PLA2R1: variants seen among roughly 807,000 people sequenced by gnomAD.
PLA2R1 encodes the protein secretory phospholipase A2 receptor.
In PLA2R1, 158 loss-of-function variants were observed where a neutral mutation model predicts 195.9. The ratio of observed to expected loss-of-function variants is 0.81; its 90% CI spans 0.71 to 0.92. The LOEUF is 0.92. PLA2R1 is among the 40% of genes least tolerant of loss of function. The pLI, the probability that PLA2R1 is intolerant of heterozygous loss-of-function variation, is 0.00. For synonymous variants in PLA2R1, 586 were observed against 598.2 expected, an observed-to-expected ratio of 0.98 and a Z score of 0.30; for missense variants, 1,626 against 1,764.6, an observed-to-expected ratio of 0.92 and a Z score of 1.41.
At chr2:160,032,848 G>T (rs1049452950) in intron 4 of PLA2R1, 111 bp downstream of exon 4, 2 of 934,898 alleles carry the variant, frequency 2.1e-6, no homozygotes, top group East Asian at 2.7e-5. Flanking sequence ...ATTATGGAAA[G>T]AAAAATATTT....
At chr2:159,955,025 G>C (rs1687992747) in intron 23 of PLA2R1, among the ~76,000 whole-genome samples, 174 bp downstream of exon 23, 1 of 152,154 alleles carries the variant, frequency 6.6e-6, no homozygotes, top group Non-Finnish European at 1.5e-5. Context: ...AAGGGCATAA[G>C]CCTAGGGTAG....
Position 159,951,320 on chromosome 2 carries a change from A to T in PLA2R1, c.3540+20T>A, listed in dbSNP as rs376563247. ...AAACTTAATTATTCAAGGATGTCTC[A>T]AGGGAGTTAGGATACCTACATCTGT... is the stretch of plus-strand genomic sequence containing the variant. On this transcript the variant is annotated intron_variant, in intron 24 of 29. Coordinates refer to ENST00000283243, the MANE Select transcript of PLA2R1 (RefSeq NM_007366.5). The T allele has an allele frequency of 1.8e-5, 24 of 1,349,082 alleles. No individual in the cohort carries two copies. Among genetic ancestry groups the T allele is most frequent in the Non-Finnish European group, 2.3e-5 (22 of 938,970 alleles). 83.6% of individuals were successfully genotyped at this position (1,349,082 alleles called of 1,614,324 possible).
At chr2:160,008,825 T>C (rs1003553327) in intron 10 of PLA2R1, among the ~76,000 whole-genome samples, 1 of 152,180 alleles carries the variant, frequency 6.6e-6, no homozygotes, top group African/African-American at 2.4e-5. Context: ...ATCCAGAATA[T>C]ATTAAAAATT....
chr2:160,052,002 T>C (rs1695240841), intron 1 of PLA2R1, among the ~76,000 whole-genome samples: 1 of 152,200 alleles, frequency 6.6e-6, no homozygotes, highest in South Asian at 2.1e-4. Context: ...TCTCAGAACT[T>C]TCTTCTCTTT....
chr2:160,005,959 A>G, intron 10 of PLA2R1, 138 bp from the exon 11 acceptor site: 1 of 657,172 alleles, frequency 1.5e-6, no homozygotes, highest in Non-Finnish European at 2.7e-6. Context: ...ACAGGAAAAC[A>G]CCCAAAGACC....
intron 27 of PLA2R1, chr2:159,946,255 C>T (rs868757663): frequency 1.0e-6 from 1 of 984,568 alleles, no homozygotes; most frequent in Non-Finnish European, 1.2e-6. Context: ...GGCTCACCCC[C>T]AACCTTGGTA....
rs1288902106 is a variant in PLA2R1, at chr2:159,946,354, A to G, written c.3967+447T>C. The G allele has an allele frequency of 1.0e-5, 10 of 985,010 alleles. No individual in the cohort carries two copies. In the East Asian group the frequency reaches 9.1e-4, roughly 89 times the overall value. 61.0% of individuals were successfully genotyped at this position (985,010 alleles called of 1,614,324 possible). A position where few individuals can be genotyped will look rare whatever the true frequency, so the allele number is the denominator to read the frequency against. On this transcript the variant is annotated intron_variant, in intron 27 of 29. Transcript: ENST00000283243. ...CCATCAATTACATAAAGAAAAGAATACCATGCTTCCATTTTATTACAAACT... is the reference window on the plus strand; with the variant it reads ...CCATCAATTACATAAAGAAAAGAATGCCATGCTTCCATTTTATTACAAACT...
chr2:159,949,193 A>AC (rs1687570954), intron 25 of PLA2R1, among the ~76,000 whole-genome samples: 1 of 152,056 alleles, frequency 6.6e-6, no homozygotes, highest in Admixed American at 6.6e-5. Flanking sequence ...CTTACGCCTA[A>AC]CCTGCATTCA....
chr2:159,941,737 T>A lies in PLA2R1; in HGVS notation c.*41A>T. 9.0e-7 allele frequency: 1 copy of A among 1,111,550 alleles called. No homozygotes were observed. Among genetic ancestry groups the A allele is most frequent in the Non-Finnish European group, 1.4e-6 (1 of 732,682 alleles). 68.9% of individuals were successfully genotyped at this position (1,111,550 alleles called of 1,614,324 possible). A position where few individuals can be genotyped will look rare whatever the true frequency, so the allele number is the denominator to read the frequency against. On this transcript the variant is annotated 3_prime_UTR_variant, in exon 30 of 30. Transcript: ENST00000283243. Reference sequence around the variant, plus strand: ...CAGATGAGACTCCTGTTTAGTCTTCTTTACTTACCCTGGTGTCTGTGGCAT... The same window carrying A: ...CAGATGAGACTCCTGTTTAGTCTTCATTACTTACCCTGGTGTCTGTGGCAT...
rs558371642 is a variant in PLA2R1, at chr2:160,032,777, G to A, written c.841+182C>T. Among the ~76,000 whole-genome samples the A allele has an allele frequency of 2.6e-5, 4 of 152,230 alleles. No homozygotes were observed. In the East Asian group the frequency reaches 5.8e-4, roughly 22 times the overall value. On this transcript the variant is annotated intron_variant, in intron 4 of 29. Coordinates refer to ENST00000283243, the MANE Select transcript of PLA2R1 (RefSeq NM_007366.5). ...AGGAGAAAATAAGAAAGACATCACT[G>A]GATGCCAAATGGAATCACTCAAGGT...
At chr2:160,014,437 C>G (rs562281419) in intron 9 of PLA2R1, among the ~76,000 whole-genome samples, 1 of 152,194 alleles carries the variant, frequency 6.6e-6, no homozygotes, top group African/African-American at 2.4e-5. Context: ...CCGATCTCAT[C>G]TGAAATCACA....
intron 20 of PLA2R1, among the ~76,000 whole-genome samples, chr2:159,956,973 T>TAA (rs200097705): frequency 2.7e-4 from 39 of 142,866 alleles, no homozygotes; most frequent in African/African-American, 8.8e-4. Context: ...ACATTTAATC[T>TAA]AAAAAAAAAA....
At chr2:160,043,452 C>A (rs1354266554) in intron 2 of PLA2R1, among the ~76,000 whole-genome samples, 2 of 152,146 alleles carry the variant, frequency 1.3e-5, no homozygotes, top group Non-Finnish European at 2.9e-5. Context: ...ACTGGGGCTG[C>A]CAATGGTATG....
chr2:159,969,552 A>AT (rs913633373), intron 18 of PLA2R1, among the ~76,000 whole-genome samples, 193 bp from the exon 19 acceptor site: 2 of 151,912 alleles, frequency 1.3e-5, no homozygotes, highest in Non-Finnish European at 2.9e-5. Context: ...AAGGTGGTAG[A>AT]TTTTTTTTGA....
Position 159,976,223 on chromosome 2 carries a change from C to T in PLA2R1, c.2440G>A (p.Val814Ile). Residue 814 changes from valine to isoleucine, a missense_variant and splice_region_variant, in exon 17 of 30, where the codon GTA becomes ATA. By Grantham distance (29) the Val-to-Ile change is conservative. Transcript: ENST00000283243. ...PKIPFWYQYD[V>I]PWLFYQDAEY... ...GCATCCTGATAAAAGAGCCAGGGTA[C>T]ATCTGAAAAAGAAACAGTGAAAATA... 6.3e-7 allele frequency: 1 copy of T among 1,595,786 alleles called. No homozygotes were observed. The highest frequency in any genetic ancestry group is 8.5e-7 in the Non-Finnish European group (1 of 1,170,014).
chr2:160,017,451 GCTGCTTT>G (rs1456720747), intron 8 of PLA2R1, among the ~76,000 whole-genome samples: 1 of 152,162 alleles, frequency 6.6e-6, no homozygotes, highest in East Asian at 1.9e-4. Flanking sequence ...TAAATGCTTT[GCTGCTTT>G]CATGTCTCTA....
intron 11 of PLA2R1, among the ~76,000 whole-genome samples, chr2:159,997,922 G>A (rs1404045945): frequency 6.6e-6 from 1 of 152,054 alleles, no homozygotes; most frequent in Non-Finnish European, 1.5e-5. Context: ...AAAGTACAGG[G>A]TTTTAAACCA....
intron 2 of PLA2R1, among the ~76,000 whole-genome samples, chr2:160,043,181 G>C (rs1389652241): frequency 1.3e-5 from 2 of 151,940 alleles, no homozygotes; most frequent in East Asian, 3.9e-4. Flanking sequence ...TGAGGGTGGG[G>C]GCAAGTCTCT....
intron 4 of PLA2R1, 66 bp downstream of exon 4, chr2:160,032,893 A>T: frequency 9.0e-7 from 1 of 1,107,214 alleles, no homozygotes; most frequent in Non-Finnish European, 1.3e-6. Context: ...ATTTTTGTAT[A>T]TGTGAAAACA....
Sources: allele counts gnomAD v4.1 joint callset (sites outside exome capture counted in the v4.1 genomes callset), GRCh38; gene constraint gnomAD v4.1.1; transcripts MANE v1.5; gene names NCBI Gene and HGNC (gene_info 2026-07-23, HGNC 2026-07-21).